Variants in KCNH7 observed in about 807,000 individuals in gnomAD.
KCNH7 encodes potassium voltage-gated channel subfamily H member 7.
Under a neutral mutation model 120.8 loss-of-function variants are expected in KCNH7, and 49 were observed. That is an observed-to-expected ratio of 0.41 (90% CI 0.32 to 0.51). The LOEUF (loss-of-function observed/expected upper bound fraction) is 0.51. KCNH7 is among the 20% of genes least tolerant of loss of function. The pLI, the probability that KCNH7 is intolerant of heterozygous loss-of-function variation, is 0.38. For missense variants in KCNH7, 1,097 were observed against 1,446.6 expected, an observed-to-expected ratio of 0.76 and a Z score of 3.92; for synonymous variants, 547 against 516.1, an observed-to-expected ratio of 1.06 and a Z score of -0.81.
chr2:162,388,599 G>A (rs868281533), intron 12 of KCNH7, among the ~76,000 whole-genome samples: 1 of 151,882 alleles, frequency 6.6e-6, no homozygotes, highest in East Asian at 1.9e-4. Flanking sequence ...TATTGAAGAA[G>A]ATATTTCAAA....
rs142007640 is a variant in KCNH7, at chr2:162,682,485, T to C, written c.308-145405A>G. Among the ~76,000 whole-genome samples the C allele has an allele frequency of 6.1e-4, 92 of 151,890 alleles. 1 individual carries two copies. Among genetic ancestry groups the C allele is most frequent in the African/African-American group, 2.2e-3 (91 of 41,508 alleles). On this transcript the variant is annotated intron_variant, in intron 2 of 15. Coordinates refer to ENST00000332142, the MANE Select transcript of KCNH7 (RefSeq NM_033272.4). Reference sequence around the variant, plus strand: ...ACTTTGTAACAAAATAGTACTCATATCTAACACAACAAAGTCATAGTTTAG... The same window carrying C: ...ACTTTGTAACAAAATAGTACTCATACCTAACACAACAAAGTCATAGTTTAG...
chr2:162,679,845 T>C (rs932547899), intron 2 of KCNH7, among the ~76,000 whole-genome samples: 1 of 151,736 alleles, frequency 6.6e-6, no homozygotes, highest in African/African-American at 2.4e-5. Context: ...CTTTCTGAAT[T>C]TGAATTAATG....
At chr2:162,473,417 G>A (rs1223570733) in intron 6 of KCNH7, among the ~76,000 whole-genome samples, 1 of 152,102 alleles carries the variant, frequency 6.6e-6, no homozygotes, top group Non-Finnish European at 1.5e-5. Flanking sequence ...CTTTAGAACT[G>A]CATATGAGGA....
At chr2:162,424,534 G>T (rs924965198) in intron 8 of KCNH7, among the ~76,000 whole-genome samples, 12 of 152,238 alleles carry the variant, frequency 7.9e-5, no homozygotes, top group Non-Finnish European at 1.8e-4. Context: ...TATATACCAG[G>T]GTGGGGAAAG....
chr2:162,372,158 A>G, intron 15 of KCNH7, 63 bp from the exon 16 acceptor site: 1 of 1,310,454 alleles, frequency 7.6e-7, no homozygotes, highest in Non-Finnish European at 1.1e-6. Context: ...ATTGAAAATT[A>G]CACTAATAAA....
chr2:162,569,647 G>C (rs1398106702), intron 2 of KCNH7, among the ~76,000 whole-genome samples: 2 of 150,810 alleles, frequency 1.3e-5, no homozygotes, highest in Non-Finnish European at 3.0e-5. Flanking sequence ...GATCTTTCCT[G>C]CTTTCTCTTG....
chr2:162,817,283 G>C (rs1438867683), intron 2 of KCNH7, among the ~76,000 whole-genome samples: 1 of 152,074 alleles, frequency 6.6e-6, no homozygotes, highest in Non-Finnish European at 1.5e-5. Flanking sequence ...GTTTAGTTTT[G>C]CCTAATCTTG....
chr2:162,770,212 T>C (rs1682993606), intron 2 of KCNH7, among the ~76,000 whole-genome samples: 1 of 151,818 alleles, frequency 6.6e-6, no homozygotes, highest in African/African-American at 2.4e-5. Flanking sequence ...TGAACTTATT[T>C]TGATGATTCA....
intron 2 of KCNH7, among the ~76,000 whole-genome samples, chr2:162,642,951 G>T (rs982656889): frequency 1.3e-5 from 2 of 152,154 alleles, no homozygotes; most frequent in African/African-American, 4.8e-5. Context: ...GGCACTAGGG[G>T]AAATGTAAGA....
chr2:162,778,973 G>T (rs1683365156), intron 2 of KCNH7, among the ~76,000 whole-genome samples: 1 of 149,050 alleles, frequency 6.7e-6, no homozygotes. Flanking sequence ...TCTTTCTGAG[G>T]GGTTCATCTG....
chr2:162,803,559 T>C (rs2105548498), intron 2 of KCNH7, among the ~76,000 whole-genome samples: 1 of 151,894 alleles, frequency 6.6e-6, no homozygotes, highest in East Asian at 1.9e-4. Flanking sequence ...GCCTAAATGC[T>C]TTTTACTGTA....
intron 2 of KCNH7, among the ~76,000 whole-genome samples, chr2:162,770,647 A>G (rs2105471056): frequency 6.6e-6 from 1 of 152,032 alleles, no homozygotes; most frequent in East Asian, 1.9e-4. Flanking sequence ...AATAATACAC[A>G]TTATGAGAAA....
intron 6 of KCNH7, among the ~76,000 whole-genome samples, chr2:162,474,767 T>G (rs1200484297): frequency 2.0e-5 from 3 of 151,718 alleles, no homozygotes; most frequent in Admixed American, 1.3e-4. Flanking sequence ...AAGAGGATCA[T>G]CTGAGGCAGC....
chr2:162,512,969 A>G (rs1691130261), intron 4 of KCNH7, among the ~76,000 whole-genome samples: 1 of 151,838 alleles, frequency 6.6e-6, no homozygotes, highest in African/African-American at 2.4e-5. Flanking sequence ...AGACTTCCCC[A>G]GCTGCTGCAG....
intron 3 of KCNH7, among the ~76,000 whole-genome samples, chr2:162,521,911 C>A (rs757121159): frequency 1.3e-5 from 2 of 151,944 alleles, no homozygotes; most frequent in South Asian, 2.1e-4. Flanking sequence ...CACCCCGTAC[C>A]CTGCTACCCT....
Position 162,654,934 on chromosome 2 carries a change from C to A in KCNH7, c.308-117854G>T, listed in dbSNP as rs570097153. 4.6e-5 allele frequency among the ~76,000 whole-genome samples: 7 copies of A among 152,162 alleles called. No individual in the cohort carries two copies. In the South Asian group the frequency reaches 8.3e-4, roughly 18 times the overall value. On this transcript the variant is annotated intron_variant, in intron 2 of 15. Coordinates refer to ENST00000332142, the MANE Select transcript of KCNH7 (RefSeq NM_033272.4). ...ATGTGTGGAATATAAGAAAGCTGAA[C>A]TCATAGAAGCAGAGAGTAGAATGGT...
At chr2:162,789,925 T>C (rs1050454776) in intron 2 of KCNH7, among the ~76,000 whole-genome samples, 2 of 151,524 alleles carry the variant, frequency 1.3e-5, no homozygotes, top group African/African-American at 4.8e-5. Flanking sequence ...ACTTTACACC[T>C]TAAGGAACTA....
chr2:162,538,376 A>G (rs1272352494), intron 2 of KCNH7, among the ~76,000 whole-genome samples: 1 of 152,002 alleles, frequency 6.6e-6, no homozygotes, highest in Non-Finnish European at 1.5e-5. Context: ...GCTTTTTTTC[A>G]CAACTAGCTG....
intron 2 of KCNH7, among the ~76,000 whole-genome samples, chr2:162,646,931 C>T (rs1049363925): frequency 6.6e-6 from 1 of 152,188 alleles, no homozygotes; most frequent in Non-Finnish European, 1.5e-5. Flanking sequence ...TTCTAACTTA[C>T]AGAACTATGA....
Sources: gnomAD v4.1 joint callset for allele counts (sites outside exome capture counted in the v4.1 genomes callset) on GRCh38, gnomAD v4.1.1 for gene constraint, MANE v1.5 for transcripts, NCBI Gene and HGNC (gene_info 2026-07-23, HGNC 2026-07-21) for gene names.